Variants in STX17 observed in about 807,000 individuals in gnomAD.
STX17 encodes the protein syntaxin-17.
A neutral mutation model predicts 35.9 loss-of-function variants in STX17; 29 were observed. The observed-to-expected ratio is 0.81, with a 90% CI of 0.60 to 1.10. The LOEUF (loss-of-function observed/expected upper bound fraction) is 1.10. Ranked by LOEUF, STX17 falls within the 50% of genes least tolerant of loss-of-function variation. STX17 has a pLI of 0.00. For missense variants in STX17, 312 were observed against 352.3 expected (o/e 0.89, Z 0.92); for synonymous variants, 92 against 118.3 (o/e 0.78, Z 1.44).
In STX17 at chr9:99,965,840, A is replaced by G. The variant is rs570162873; in HGVS notation, c.583-1813A>G. On this transcript the variant is annotated intron_variant, in intron 6 of 7. Coordinates refer to ENST00000259400, the MANE Select transcript of STX17 (RefSeq NM_017919.3). Reference sequence around the variant, plus strand: ...TGGGGAAATTAGGATAAATTTTTCTATTTTTCCCCCCTCACACTTTGCAAA... The same window carrying G: ...TGGGGAAATTAGGATAAATTTTTCTGTTTTTCCCCCCTCACACTTTGCAAA... 9.2e-4 allele frequency among the ~76,000 whole-genome samples: 140 copies of G among 152,224 alleles called. 1 individual carries two copies. The highest frequency in any genetic ancestry group is 3.0e-3 in the African/African-American group (125 of 41,532).
rs1174453195 is a variant in STX17 at position 99,967,699 on chromosome 9, C to T, written c.629C>T (p.Ala210Val). Residue 210 changes from alanine (A) to valine (V), a missense_variant, in exon 7 of 8, where the codon GCT becomes GTT. Transcript: ENST00000259400. ...AGCATTGCAGACCATGTCAACAGTGCTGCTGTGAATGTTGAAGAGGGAACC... is the reference window on the plus strand; with the variant it reads ...AGCATTGCAGACCATGTCAACAGTGTTGCTGTGAATGTTGAAGAGGGAACC... Reference protein sequence around the residue: ...IDSIADHVNSAAVNVEEGTKN... With the variant: ...IDSIADHVNSVAVNVEEGTKN... The T allele has an allele frequency of 6.2e-7, 1 of 1,613,896 alleles. No individual in the cohort carries two copies. Among genetic ancestry groups the T allele is most frequent in the Admixed American group, 1.7e-5 (1 of 59,986 alleles).
chr9:99,918,756 ATTGGAGAACCAC>A (rs1197991927), intron 2 of STX17, among the ~76,000 whole-genome samples: 5 of 152,084 alleles, frequency 3.3e-5, no homozygotes, highest in African/African-American at 1.2e-4. Flanking sequence ...ATCTATTTTA[ATTGGAGAACCAC>A]TAGATGTCAG....
At chr9:99,935,391 G>A (rs1333395064) in intron 3 of STX17, among the ~76,000 whole-genome samples, 2 of 151,206 alleles carry the variant, frequency 1.3e-5, no homozygotes, top group Non-Finnish European at 1.5e-5. Context: ...TCTGTACACT[G>A]CAAAGCTTGT....
intron 3 of STX17, among the ~76,000 whole-genome samples, chr9:99,943,135 G>T (rs1473025897): frequency 1.3e-5 from 2 of 151,606 alleles, no homozygotes; most frequent in African/African-American, 4.9e-5. Context: ...TTGTTCGTTT[G>T]TTTGTTTGTT....
At chr9:99,914,104 C>T (rs935815402) in intron 1 of STX17, 6 of 151,940 alleles carry the variant, frequency 3.9e-5, no homozygotes, top group Admixed American at 3.9e-4. Context: ...CGTACCCGGC[C>T]CCTTCATTCA....
At chr9:99,907,971 C>G (rs1828584140) in intron 1 of STX17, among the ~76,000 whole-genome samples, 1 of 152,132 alleles carries the variant, frequency 6.6e-6, no homozygotes, top group Non-Finnish European at 1.5e-5. Context: ...CTTTTTCTGT[C>G]TTTATACTCT....
chr9:99,908,626 T>C (rs1828600884), intron 1 of STX17, among the ~76,000 whole-genome samples: 1 of 152,196 alleles, frequency 6.6e-6, no homozygotes, highest in South Asian at 2.1e-4. Flanking sequence ...TTTTTCTTTT[T>C]TGGAACTTCC....
At chr9:99,946,043 A>G (rs1478810964) in intron 3 of STX17, among the ~76,000 whole-genome samples, 2 of 152,232 alleles carry the variant, frequency 1.3e-5, no homozygotes, top group African/African-American at 4.8e-5. Context: ...AAATCGTGCC[A>G]CTGCACTCCA....
intron 2 of STX17, among the ~76,000 whole-genome samples, chr9:99,922,819 C>T (rs1389245524): frequency 1.3e-5 from 2 of 152,184 alleles, no homozygotes; most frequent in Non-Finnish European, 2.9e-5. Context: ...ACTGAGTGCT[C>T]CATCTCCAAA....
rs531231491 is a variant in STX17 at position 99,914,826 on chromosome 9, T to A, written c.-62-352T>A. Among the ~76,000 whole-genome samples the A allele has an allele frequency of 3.2e-4, 48 of 152,300 alleles. No individual in the cohort carries two copies. In the East Asian group the frequency reaches 8.1e-3, roughly 26 times the overall value. On this transcript the variant is annotated intron_variant, in intron 1 of 7. Transcript: ENST00000259400. ...TTGGACAGTATACTCCTAGCTTTTT[T>A]AAAAGTATTTATATACATACATACC...
chr9:99,965,092 T>G (rs1290230520), intron 6 of STX17, among the ~76,000 whole-genome samples: 1 of 152,106 alleles, frequency 6.6e-6, no homozygotes, highest in African/African-American at 2.4e-5. Flanking sequence ...TACTTATAGA[T>G]GTGGGCTACT....
At chr9:99,910,959 A>G (rs1381650981) in intron 1 of STX17, among the ~76,000 whole-genome samples, 2 of 151,736 alleles carry the variant, frequency 1.3e-5, no homozygotes, top group African/African-American at 2.4e-5. Context: ...TGATCCTCCT[A>G]CCTCGGCTTC....
rs1309401553 is a variant in STX17 at position 99,970,754 on chromosome 9, C to T, written c.*2081C>T. On this transcript the variant is annotated 3_prime_UTR_variant, in exon 8 of 8. Coordinates refer to ENST00000259400, the MANE Select transcript of STX17 (RefSeq NM_017919.3). ...ACTGCATATTACCCCACTCTTCCAT[C>T]CCAAATTGGCTATCCTTTCAGCCCA... 6.6e-6 allele frequency among the ~76,000 whole-genome samples: 1 copy of T among 152,226 alleles called. No homozygotes were observed. The highest frequency in any genetic ancestry group is 2.4e-5 in the African/African-American group (1 of 41,466).
At chr9:99,908,345 G>A (rs1828592192) in intron 1 of STX17, among the ~76,000 whole-genome samples, 1 of 152,070 alleles carries the variant, frequency 6.6e-6, no homozygotes, top group Non-Finnish European at 1.5e-5. Context: ...CTTGCCTTCA[G>A]CAATTATTAT....
intron 3 of STX17, among the ~76,000 whole-genome samples, chr9:99,934,788 A>T (rs1829197289): frequency 2.0e-5 from 3 of 152,226 alleles, no homozygotes; most frequent in South Asian, 4.1e-4. Flanking sequence ...TCAATATTTT[A>T]AAAATGCAAA....
intron 3 of STX17, among the ~76,000 whole-genome samples, chr9:99,931,757 A>G (rs1405370093): frequency 6.6e-6 from 1 of 151,982 alleles, no homozygotes; most frequent in Non-Finnish European, 1.5e-5. Flanking sequence ...CTGTTTTCTA[A>G]AAGATTTCCT....
rs1249612912 is a variant in STX17 at position 99,971,718 on chromosome 9, T to C, written c.*3045T>C. ...TTTATGTCTCTCAGACTATACAGCC[T>C]CTATACAAAATTGAGATGGGGGTTG... On this transcript the variant is annotated 3_prime_UTR_variant, in exon 8 of 8. Coordinates refer to ENST00000259400, the MANE Select transcript of STX17 (RefSeq NM_017919.3). 6.6e-6 allele frequency among the ~76,000 whole-genome samples: 1 copy of C among 152,158 alleles called. No homozygotes were observed. The highest frequency in any genetic ancestry group is 1.5e-5 in the Non-Finnish European group (1 of 68,016).
At chr9:99,965,779 T>A (rs945843951) in intron 6 of STX17, among the ~76,000 whole-genome samples, 5 of 152,212 alleles carry the variant, frequency 3.3e-5, no homozygotes, top group African/African-American at 1.2e-4. Context: ...AAGTTAAATA[T>A]ATTTTTTGAT....
intron 1 of STX17, among the ~76,000 whole-genome samples, chr9:99,914,854 C>T (rs978396935): frequency 3.0e-4 from 46 of 152,178 alleles, no homozygotes; most frequent in African/African-American, 1.1e-3. Flanking sequence ...TACATACCTA[C>T]TTACATAGAA....
Sources: allele counts gnomAD v4.1 joint callset (sites outside exome capture counted in the v4.1 genomes callset), GRCh38; gene constraint gnomAD v4.1.1; transcripts MANE v1.5; gene names NCBI Gene and HGNC (gene_info 2026-07-23, HGNC 2026-07-21).